The following RPTOR variants were observed in gnomAD, a reference collection of about 807,000 sequenced individuals.
The protein encoded by RPTOR is regulatory-associated protein of mTOR.
A neutral mutation model predicts 169.9 loss-of-function variants in RPTOR; 21 were observed. The observed-to-expected ratio is 0.12, with a 90% CI of 0.09 to 0.18. The LOEUF (loss-of-function observed/expected upper bound fraction) is 0.18. Among genes scored for constraint, RPTOR ranks in the 10% least tolerant of loss-of-function variants. The pLI, the probability that RPTOR is intolerant of heterozygous loss-of-function variation, is 1.00. For missense variants in RPTOR, 1,133 were observed against 1,855.9 expected (o/e 0.61, Z 7.16); for synonymous variants, 732 against 753.2 (o/e 0.97, Z 0.46).
chr17:80,769,848 G>T (rs2066824403), intron 6 of RPTOR, among the ~76,000 whole-genome samples: 1 of 152,168 alleles, frequency 6.6e-6, no homozygotes, highest in African/African-American at 2.4e-5. Flanking sequence ...GGAGGGCGGG[G>T]TCCGTGACCA....
intron 9 of RPTOR, among the ~76,000 whole-genome samples, chr17:80,826,667 A>G (rs1395323704): frequency 6.6e-6 from 1 of 152,222 alleles, no homozygotes; most frequent in Non-Finnish European, 1.5e-5. Flanking sequence ...CTGTGTCCCC[A>G]TGGTTGGGTT....
At chr17:80,618,179 G>T (rs1599605807) in intron 1 of RPTOR, among the ~76,000 whole-genome samples, 1 of 151,992 alleles carries the variant, frequency 6.6e-6, no homozygotes, top group East Asian at 1.9e-4. Context: ...TAGAGACAGG[G>T]TTTCACCACG....
intron 1 of RPTOR, among the ~76,000 whole-genome samples, chr17:80,577,160 T>A (rs963381420): frequency 2.6e-5 from 4 of 152,020 alleles, no homozygotes; most frequent in Admixed American, 1.3e-4. Context: ...TCCTCCCAAG[T>A]AGCTGAAATT....
intron 5 of RPTOR, among the ~76,000 whole-genome samples, chr17:80,741,719 A>T (rs938445759): frequency 6.6e-6 from 1 of 152,210 alleles, no homozygotes; most frequent in Non-Finnish European, 1.5e-5. Context: ...CTGAGAATGC[A>T]TCAGAAGGTG....
At chr17:80,764,250 G>A (rs2066764623) in intron 6 of RPTOR, among the ~76,000 whole-genome samples, 1 of 150,406 alleles carries the variant, frequency 6.6e-6, no homozygotes, top group Non-Finnish European at 1.5e-5. Context: ...ACATGCTGGT[G>A]TGCTGCACCC....
chr17:80,785,461 T>G (rs2066981988), intron 6 of RPTOR, among the ~76,000 whole-genome samples: 1 of 152,214 alleles, frequency 6.6e-6, no homozygotes, highest in Non-Finnish European at 1.5e-5. Context: ...GGAGAACTGT[T>G]TCGTGTTGCT....
chr17:80,825,977 C>T (rs952963915), intron 9 of RPTOR, among the ~76,000 whole-genome samples: 1 of 152,016 alleles, frequency 6.6e-6, no homozygotes, highest in Non-Finnish European at 1.5e-5. Flanking sequence ...CCTGGGTCAG[C>T]GGTGGAGGGG....
chr17:80,740,109 GAAC>G (rs767916508), intron 5 of RPTOR, among the ~76,000 whole-genome samples: 20 of 152,100 alleles, frequency 1.3e-4, no homozygotes, highest in Non-Finnish European at 2.4e-4. Flanking sequence ...AAATAATAAT[GAAC>G]AACTTTACAC....
chr17:80,632,157 C>T (rs551745226), intron 2 of RPTOR, among the ~76,000 whole-genome samples: 6 of 152,266 alleles, frequency 3.9e-5, no homozygotes, highest in African/African-American at 4.8e-5. Flanking sequence ...TGCTGGCTCC[C>T]GGTGACTGTG....
chr17:80,948,944 A>C (rs1490702400), intron 27 of RPTOR, among the ~76,000 whole-genome samples: 1 of 152,044 alleles, frequency 6.6e-6, no homozygotes, highest in Non-Finnish European at 1.5e-5. Context: ...CCTTCAAGTC[A>C]AGGCTACTCT....
intron 3 of RPTOR, among the ~76,000 whole-genome samples, chr17:80,676,372 G>A (rs1444505534): frequency 6.6e-6 from 1 of 152,218 alleles, no homozygotes; most frequent in African/African-American, 2.4e-5. Context: ...TTCAGAAATA[G>A]TATCAAAAGA....
chr17:80,913,695 C>T (rs2143947824), intron 21 of RPTOR, among the ~76,000 whole-genome samples: 1 of 152,310 alleles, frequency 6.6e-6, no homozygotes. Flanking sequence ...TCAAGTGATT[C>T]ACCCACATTT....
At chr17:80,700,568 ATGGTGATGGTGATGATGGAAGTGG>A (rs2066081397) in intron 3 of RPTOR, among the ~76,000 whole-genome samples, 2 of 104,182 alleles carry the variant, frequency 1.9e-5, no homozygotes, top group Non-Finnish European at 4.0e-5. Context: ...GGTAGAGATG[ATGGTGATGGTGATGATGGAAGTGG>A]TGGTGATGGT....
chr17:80,908,906 G>A lies in RPTOR; in HGVS notation c.2497G>A (p.Val833Ile). 3 of 1,613,822 alleles carry A rather than the reference G, an allele frequency of 1.9e-6. No homozygotes were observed. Among genetic ancestry groups the A allele is most frequent in the Middle Eastern group, 3.3e-4 (2 of 6,052 alleles). ...AGAGGTCTCGGACGTGGCCATGAAA[G>A]TACTCAACAGCATCGCCTACAAGGT... is the stretch of plus-strand genomic sequence containing the variant. ...YPEVSDVAMK[V>I]LNSIAYKATV... Residue 833 changes from valine to isoleucine, a missense_variant, in exon 21 of 34, where the codon GTA (valine) becomes ATA (isoleucine). Physicochemically the swap from Val to Ile is conservative, Grantham distance 29. Transcript: ENST00000306801.
At chr17:80,614,540 G>A (rs1284646473) in intron 1 of RPTOR, among the ~76,000 whole-genome samples, 1 of 152,218 alleles carries the variant, frequency 6.6e-6, no homozygotes, top group Non-Finnish European at 1.5e-5. Context: ...CTCTGTGGTG[G>A]TAAATGTGGC....
chr17:80,557,986 G>A (rs534094700), intron 1 of RPTOR, among the ~76,000 whole-genome samples: 1 of 151,598 alleles, frequency 6.6e-6, no homozygotes, highest in Non-Finnish European at 1.5e-5. Flanking sequence ...TAAATATTTG[G>A]CATTGCAAAT....
At chr17:80,595,036 G>GGA (rs34187919) in intron 1 of RPTOR, among the ~76,000 whole-genome samples, 159 of 150,678 alleles carry the variant, frequency 1.1e-3, no homozygotes, top group Admixed American at 4.0e-3. Context: ...GAACAAGAAG[G>GGA]GAGAGAGAGA....
intron 21 of RPTOR, among the ~76,000 whole-genome samples, chr17:80,911,702 T>G (rs1160011635): frequency 2.6e-5 from 4 of 152,194 alleles, no homozygotes; most frequent in Non-Finnish European, 5.9e-5. Context: ...GGAAGATCCC[T>G]TGAGCCCAGG....
In RPTOR at chr17:80,893,807, C is replaced by T. The variant is rs1344263806; in HGVS notation, c.2343C>T (p.Phe781=). 9 of 1,556,998 alleles carry T rather than the reference C, an allele frequency of 5.8e-6. No homozygotes were observed. Among genetic ancestry groups the T allele is most frequent in the African/African-American group, 4.1e-5 (3 of 72,448 alleles). Residue 781 remains phenylalanine (F), a synonymous_variant, in exon 20 of 34, where the codon TTC becomes TTT. Transcript: ENST00000306801. ...SPENEEHILS[F]ETIDKMRRAS... ...AGAATGAGGAGCATATCCTGTCCTT[C>T]GAGACCATCGACAAGATGCGCCGCG...
Sources: allele counts gnomAD v4.1 joint callset (sites outside exome capture counted in the v4.1 genomes callset), GRCh38; gene constraint gnomAD v4.1.1; transcripts MANE v1.5; gene names NCBI Gene and HGNC (gene_info 2026-07-23, HGNC 2026-07-21).